The following VWA8 variants were observed in gnomAD, a reference collection of about 807,000 sequenced individuals.
VWA8 encodes the protein von Willebrand factor A domain containing 8.
Under a neutral mutation model 241.5 loss-of-function variants are expected in VWA8, and 221 were observed. The observed-to-expected ratio is 0.91, with a 90% CI of 0.82 to 1.02. The LOEUF (loss-of-function observed/expected upper bound fraction) is 1.02. Ranked by LOEUF, VWA8 falls within the 50% of genes least tolerant of loss-of-function variation. The probability of loss-of-function intolerance (pLI) is 0.00; values close to 1 mark genes in which losing one functional copy is unlikely to be tolerated. For missense variants in VWA8, 2,322 were observed against 2,328.7 expected (o/e 1.00, Z 0.06); for synonymous variants, 852 against 827.1 (o/e 1.03, Z -0.52).
intron 37 of VWA8, among the ~76,000 whole-genome samples, chr13:41,655,068 G>T (rs2044894038): frequency 6.6e-6 from 1 of 151,722 alleles, no homozygotes; most frequent in Non-Finnish European, 1.5e-5. Context: ...TTAGGAGAAT[G>T]CTCTTGTGAG....
At chr13:41,943,998 G>A (rs1877721328) in intron 2 of VWA8, among the ~76,000 whole-genome samples, 3 of 151,886 alleles carry the variant, frequency 2.0e-5, no homozygotes, top group South Asian at 2.1e-4. Flanking sequence ...CCAGCTACTC[G>A]GGAGGCTGAG....
chr13:41,815,531 A>T (rs1411247344), intron 16 of VWA8, among the ~76,000 whole-genome samples: 1 of 152,206 alleles, frequency 6.6e-6, no homozygotes, highest in Non-Finnish European at 1.5e-5. Flanking sequence ...AGATGAAGGC[A>T]GGATTGATAT....
chr13:41,816,942 C>T (rs1870723126), intron 15 of VWA8, among the ~76,000 whole-genome samples, 167 bp from the exon 16 acceptor site: 1 of 152,126 alleles, frequency 6.6e-6, no homozygotes, highest in Admixed American at 6.6e-5. Flanking sequence ...CTTATTCAAC[C>T]TCTTAGGAAA....
chr13:41,900,471 T>G (rs2138097411), intron 4 of VWA8, among the ~76,000 whole-genome samples: 2 of 152,318 alleles, frequency 1.3e-5, no homozygotes, highest in South Asian at 4.1e-4. Flanking sequence ...TATCACAGCT[T>G]TAACCACTCA....
rs896438677 is a variant in VWA8 at position 41,885,842 on chromosome 13, A to G, written c.975+78T>C. 2.7e-5 allele frequency: 27 copies of G among 993,632 alleles called. No individual in the cohort carries two copies. In the African/African-American group the frequency reaches 4.3e-4, roughly 16 times the overall value. The allele number at this position is 993,632 out of a possible 1,614,324, so 61.6% of individuals were successfully genotyped here. A position where few individuals can be genotyped will look rare whatever the true frequency, so the allele number is the denominator to read the frequency against. ...GAAGAGTATGACAAAAGCAAACTGA[A>G]GTCATTAATCCCTAATGATTAACTT... On this transcript the variant is annotated intron_variant, in intron 8 of 44. Coordinates refer to ENST00000379310, the MANE Select transcript of VWA8 (RefSeq NM_015058.2).
At chr13:41,632,397 C>G (rs1214568825) in intron 37 of VWA8, among the ~76,000 whole-genome samples, 1 of 152,166 alleles carries the variant, frequency 6.6e-6, no homozygotes, top group African/African-American at 2.4e-5. Flanking sequence ...ATTACCATGA[C>G]TGTAGGTAGA....
intron 40 of VWA8, among the ~76,000 whole-genome samples, chr13:41,604,707 G>C (rs1420070927): frequency 6.6e-6 from 1 of 152,134 alleles, no homozygotes; most frequent in Non-Finnish European, 1.5e-5. Flanking sequence ...ATGAGGCTTT[G>C]CTTTCTCTTT....
At chr13:41,783,602 C>T (rs1868997135) in intron 19 of VWA8, among the ~76,000 whole-genome samples, 193 bp downstream of exon 19, 1 of 149,236 alleles carries the variant, frequency 6.7e-6, no homozygotes, top group Admixed American at 6.7e-5. Flanking sequence ...CGTGCTACTG[C>T]ACTCCAGCCT....
intron 21 of VWA8, among the ~76,000 whole-genome samples, chr13:41,750,021 A>G (rs1270946693): frequency 6.6e-6 from 1 of 152,010 alleles, no homozygotes; most frequent in Non-Finnish European, 1.5e-5. Context: ...CTTAAAGTAT[A>G]TTAAAAAAAA....
At chr13:41,919,952 G>T (rs901269689) in intron 2 of VWA8, among the ~76,000 whole-genome samples, 2 of 152,092 alleles carry the variant, frequency 1.3e-5, no homozygotes, top group African/African-American at 2.4e-5. Context: ...AGGTCAAATG[G>T]CCAAAGGGCC....
At chr13:41,688,968 C>T (rs1435586675) in intron 34 of VWA8, among the ~76,000 whole-genome samples, 2 of 151,798 alleles carry the variant, frequency 1.3e-5, no homozygotes, top group Non-Finnish European at 2.9e-5. Flanking sequence ...TACACTTGAA[C>T]CTAAAATAAA....
chr13:41,689,517 T>A lies in VWA8; in HGVS notation c.3977-9A>T, dbSNP rs756158928. 6.2e-7 allele frequency: 1 copy of A among 1,600,438 alleles called. No individual in the cohort carries two copies. The highest frequency in any genetic ancestry group is 8.5e-7 in the Non-Finnish European group (1 of 1,174,310). ...TATGCTGAACTCTGTTTCTGAAAAG[T>A]ACAAACATTAGACACCATATGCTCC... On this transcript the variant is annotated splice_polypyrimidine_tract_variant and intron_variant, in intron 33 of 44. Transcript: ENST00000379310.
chr13:41,778,204 G>T, intron 19 of VWA8, 148 bp from the exon 20 acceptor site: 1 of 478,528 alleles, frequency 2.1e-6, no homozygotes, highest in Non-Finnish European at 3.3e-6. Context: ...TTAAATCTGT[G>T]GTTATAAGTA....
intron 36 of VWA8, among the ~76,000 whole-genome samples, chr13:41,672,946 CCTA>C (rs1191875880): frequency 6.6e-6 from 1 of 152,136 alleles, no homozygotes; most frequent in African/African-American, 2.4e-5. Context: ...GACCACTGTA[CCTA>C]CTAATTGTCA....
At chr13:41,882,262 C>T (rs1190049030) in intron 9 of VWA8, among the ~76,000 whole-genome samples, 1 of 150,766 alleles carries the variant, frequency 6.6e-6, no homozygotes, top group Non-Finnish European at 1.5e-5. Context: ...CGGGAAGAGG[C>T]GCTCGTCACT....
In VWA8 at chr13:41,673,088, A is replaced by C. The variant is rs1046728803; in HGVS notation, c.4410-1941T>G. On this transcript the variant is annotated intron_variant, in intron 36 of 44. Coordinates refer to ENST00000379310, the MANE Select transcript of VWA8 (RefSeq NM_015058.2). ...TAGGTCTAAAATCTTTTCTTCACTTAAAGAATGTTTTCCTTATAAATAATA... is the reference window on the plus strand; with the variant it reads ...TAGGTCTAAAATCTTTTCTTCACTTCAAGAATGTTTTCCTTATAAATAATA... Among the ~76,000 whole-genome samples, 6 of 152,356 alleles carry C rather than the reference A, an allele frequency of 3.9e-5. No individual in the cohort carries two copies. In the East Asian group the frequency reaches 1.2e-3, roughly 29 times the overall value.
intron 37 of VWA8, among the ~76,000 whole-genome samples, chr13:41,640,818 T>C (rs1050597525): frequency 6.6e-6 from 1 of 152,226 alleles, no homozygotes; most frequent in Non-Finnish European, 1.5e-5. Context: ...CTTTATCAGA[T>C]AATAAGTCAA....
chr13:41,713,551 G>A (rs74408861), intron 26 of VWA8, among the ~76,000 whole-genome samples: 41 of 152,248 alleles, frequency 2.7e-4, no homozygotes, highest in African/African-American at 9.6e-4. Context: ...GGAAATCTGA[G>A]GAGTAACTAC....
At chr13:41,630,036 C>T (rs2044716322) in intron 37 of VWA8, among the ~76,000 whole-genome samples, 1 of 152,122 alleles carries the variant, frequency 6.6e-6, no homozygotes, top group African/African-American at 2.4e-5. Flanking sequence ...ATTTTAAGTG[C>T]CTTTATAAGT....
Sources: gnomAD v4.1 joint callset for allele counts (sites outside exome capture counted in the v4.1 genomes callset) on GRCh38, gnomAD v4.1.1 for gene constraint, MANE v1.5 for transcripts, NCBI Gene and HGNC (gene_info 2026-07-23, HGNC 2026-07-21) for gene names.